Variants in MECOM observed in about 807,000 individuals in gnomAD.
MECOM encodes MDS1 and EVI1 complex locus, also known as histone-lysine N-methyltransferase MECOM.
A neutral mutation model predicts 116.3 loss-of-function variants in MECOM; 13 were observed. The observed-to-expected ratio is 0.11, with a 90% confidence interval of 0.07 to 0.18. The LOEUF (loss-of-function observed/expected upper bound fraction) is 0.18. MECOM is among the 10% of genes least tolerant of loss of function. MECOM has a pLI of 1.00. For missense variants in MECOM, 1,299 were observed against 1,509.0 expected (o/e 0.86, Z 2.31); for synonymous variants, 528 against 535.2 (o/e 0.99, Z 0.19).
At chr3:169,251,424 T>G (rs1756228107) in intron 2 of MECOM, among the ~76,000 whole-genome samples, 1 of 152,178 alleles carries the variant, frequency 6.6e-6, no homozygotes, top group Admixed American at 6.5e-5. Context: ...GTTTATCAAA[T>G]TGAACAAATC....
intron 1 of MECOM, among the ~76,000 whole-genome samples, chr3:169,436,767 A>G (rs1742733027): frequency 6.6e-6 from 1 of 152,184 alleles, no homozygotes; most frequent in African/African-American, 2.4e-5. Flanking sequence ...ATTCAATGTT[A>G]TTTATATTGA....
At chr3:169,202,793 C>T (rs1749339513) in intron 2 of MECOM, among the ~76,000 whole-genome samples, 1 of 115,518 alleles carries the variant, frequency 8.7e-6, no homozygotes, top group Admixed American at 9.9e-5. Flanking sequence ...GTACTAAAAG[C>T]ATCTGGTAAA....
chr3:169,122,504 T>C (rs1206733861), intron 6 of MECOM, 76 bp downstream of exon 6: 4 of 1,533,830 alleles, frequency 2.6e-6, no homozygotes, highest in East Asian at 2.3e-5. Context: ...CTTGTTTTTA[T>C]ATATCGTAGC....
At chr3:169,571,647 T>G (rs1334289976) in intron 1 of MECOM, among the ~76,000 whole-genome samples, 2 of 152,124 alleles carry the variant, frequency 1.3e-5, no homozygotes, top group African/African-American at 4.8e-5. Context: ...AACAGATATA[T>G]AGACCAATGG....
intron 2 of MECOM, among the ~76,000 whole-genome samples, chr3:169,254,788 A>C (rs1756662412): frequency 6.6e-6 from 1 of 152,094 alleles, no homozygotes. Flanking sequence ...AAATCTTAGA[A>C]TTTTAGGGCA....
At chr3:169,600,854 T>C (rs750873333) in intron 1 of MECOM, among the ~76,000 whole-genome samples, 1 of 152,202 alleles carries the variant, frequency 6.6e-6, no homozygotes. Flanking sequence ...AAAGACTAAT[T>C]ATTTTCTTCA....
intron 1 of MECOM, chr3:169,472,937 G>C: frequency 1.0e-6 from 1 of 975,904 alleles, no homozygotes. Context: ...ATATTTACTA[G>C]GCCCCTACTT....
In MECOM at chr3:169,102,174, T is replaced by A. The variant is rs1723788501; in HGVS notation, c.2657A>T (p.Lys886Ile). 6.2e-7 allele frequency: 1 copy of A among 1,613,900 alleles called. No individual in the cohort carries two copies. ...CTGTAAGAGCTCACTGGCCTCAGGT[T>A]TCAGGGCACTGAAGCTCTCTAGCTT... ...AEKLESFSAL[K>I]PEASELLQSV... Residue 886 changes from lysine (K) to isoleucine (I), a missense_variant, in exon 11 of 17, where the codon AAA becomes ATA. Transcript: ENST00000651503.
chr3:169,133,492 T>A (rs1185720126), intron 3 of MECOM: 1 of 152,356 alleles, frequency 6.6e-6, no homozygotes, highest in Non-Finnish European at 1.5e-5. Context: ...AATAAAATAA[T>A]TTTTTTTCAT....
At chr3:169,457,633 T>C (rs564856675) in intron 1 of MECOM, among the ~76,000 whole-genome samples, 15 of 152,264 alleles carry the variant, frequency 9.9e-5, no homozygotes, top group African/African-American at 3.6e-4. Context: ...GAGGATAAAA[T>C]TGAGACTATC....
At chr3:169,212,636 G>C (rs1711079) in intron 2 of MECOM, among the ~76,000 whole-genome samples, 1 of 26,062 alleles carries the variant, frequency 3.8e-5, no homozygotes, top group African/African-American at 1.7e-4. Flanking sequence ...AGTCAGCAAT[G>C]TATATATATA....
At chr3:169,201,009 C>T (rs970556745) in intron 2 of MECOM, among the ~76,000 whole-genome samples, 2 of 152,136 alleles carry the variant, frequency 1.3e-5, no homozygotes, top group African/African-American at 2.4e-5. Flanking sequence ...CATCACTCTG[C>T]AATATACATT....
At chr3:169,423,415 C>T (rs1427182731) in intron 1 of MECOM, among the ~76,000 whole-genome samples, 1 of 152,096 alleles carries the variant, frequency 6.6e-6, no homozygotes, top group South Asian at 2.1e-4. Flanking sequence ...TGTAACCATA[C>T]TTTTCTCAAT....
intron 1 of MECOM, chr3:169,484,103 A>T: frequency 1.2e-6 from 1 of 860,164 alleles, no homozygotes; most frequent in Non-Finnish European, 1.8e-6. Context: ...ATTCTGTTAT[A>T]TTTCAATTTC....
intron 2 of MECOM, among the ~76,000 whole-genome samples, chr3:169,176,269 G>A (rs920179593): frequency 6.6e-6 from 1 of 152,118 alleles, no homozygotes; most frequent in African/African-American, 2.4e-5. Context: ...ATCTTACACA[G>A]GGGAAGGATC....
intron 2 of MECOM, among the ~76,000 whole-genome samples, chr3:169,221,199 G>A (rs773500823): frequency 2.4e-4 from 37 of 152,100 alleles, no homozygotes; most frequent in Non-Finnish European, 5.1e-4. Context: ...ATAGAATTTA[G>A]CATCATTTTT....
intron 1 of MECOM, among the ~76,000 whole-genome samples, chr3:169,604,335 C>A (rs1768233192): frequency 6.6e-6 from 1 of 151,898 alleles, no homozygotes; most frequent in Non-Finnish European, 1.5e-5. Context: ...TGAGGGGATG[C>A]CGAGGAGTAC....
intron 1 of MECOM, among the ~76,000 whole-genome samples, chr3:169,662,687 T>C (rs557399295): frequency 6.8e-6 from 1 of 147,672 alleles, no homozygotes; most frequent in South Asian, 2.2e-4. Flanking sequence ...CAGCGCCCAC[T>C]ACCGCAGCCG....
chr3:169,592,280 G>T (rs1459142216), intron 1 of MECOM, among the ~76,000 whole-genome samples: 1 of 152,220 alleles, frequency 6.6e-6, no homozygotes, highest in Non-Finnish European at 1.5e-5. Flanking sequence ...TCAGCACTGT[G>T]CTGTCCACAA....
Sources: gnomAD v4.1 joint callset for allele counts (sites outside exome capture counted in the v4.1 genomes callset) on GRCh38, gnomAD v4.1.1 for gene constraint, MANE v1.5 for transcripts, NCBI Gene and HGNC (gene_info 2026-07-23, HGNC 2026-07-21) for gene names.